MGST2: variants seen among roughly 807,000 people sequenced by gnomAD.
The protein encoded by MGST2 is microsomal glutathione S-transferase 2.
Under a neutral mutation model 16.6 loss-of-function variants are expected in MGST2, and 9 were observed. That is an observed-to-expected ratio of 0.54 (90% CI 0.33 to 0.95). The LOEUF is 0.95. Among genes scored for constraint, MGST2 ranks in the 40% least tolerant of loss-of-function variants. The pLI, the probability that MGST2 is intolerant of heterozygous loss-of-function variation, is 0.03. For synonymous variants in MGST2, 79 were observed against 68.0 expected (o/e 1.16, Z -0.79); for missense variants, 159 against 175.1 (o/e 0.91, Z 0.52).
At chr4:139,725,617 A>T in intron 5 of MGST2, 2 of 878,176 alleles carry the variant, frequency 2.3e-6, no homozygotes, top group Non-Finnish European at 3.7e-6. Flanking sequence ...TAGTACTCTT[A>T]ACCTACCAGT....
chr4:139,701,223 T>C (rs1268934084), intron 3 of MGST2, among the ~76,000 whole-genome samples: 1 of 152,132 alleles, frequency 6.6e-6, no homozygotes, highest in Non-Finnish European at 1.5e-5. Context: ...TTGTCAGAAA[T>C]TTCTTTTCAT....
At chr4:139,751,669 G>A in the MGST2 span, among the ~76,000 whole-genome samples, 4 of 152,292 alleles carry the variant, frequency 2.6e-5, no homozygotes, top group African/African-American at 9.6e-5. Context: ...TAGGTTCTAA[G>A]GGGTGGTACA....
chr4:139,716,254 G>A (rs923326062), intron 5 of MGST2, among the ~76,000 whole-genome samples: 1 of 152,234 alleles, frequency 6.6e-6, no homozygotes, highest in Non-Finnish European at 1.5e-5. Context: ...GGGTGCAGGT[G>A]AAGCCAGGCC....
At chr4:139,717,160 A>G (rs1369949780) in intron 5 of MGST2, 1 of 152,562 alleles carries the variant, frequency 6.6e-6, no homozygotes, top group East Asian at 1.9e-4. Flanking sequence ...ACCGTAGTAA[A>G]AACAAAACCA....
chr4:139,691,681 TGATGATGATGATG>T (rs1726595409), intron 2 of MGST2, among the ~76,000 whole-genome samples: 1 of 138,414 alleles, frequency 7.2e-6, no homozygotes, highest in East Asian at 2.0e-4. Flanking sequence ...ATGATGATGA[TGATGATGATGATG>T]ATGATTATTA....
chr4:139,700,957 G>A (rs1727217248), intron 3 of MGST2, among the ~76,000 whole-genome samples: 1 of 152,154 alleles, frequency 6.6e-6, no homozygotes, highest in South Asian at 2.1e-4. Context: ...CTTTCTTTTA[G>A]TTTTTACTGT....
chr4:139,666,519 T>C (rs935291786), intron 1 of MGST2, among the ~76,000 whole-genome samples: 1 of 152,222 alleles, frequency 6.6e-6, no homozygotes, highest in Non-Finnish European at 1.5e-5. Context: ...TAATGTGTTT[T>C]CTTAAATAAA....
At chr4:139,669,156 G>A (rs565581551) in intron 1 of MGST2, among the ~76,000 whole-genome samples, 2 of 152,094 alleles carry the variant, frequency 1.3e-5, no homozygotes, top group African/African-American at 2.4e-5. Flanking sequence ...GCCTGAACTC[G>A]TTTTTTAGGT....
rs1560747717 is a variant in MGST2 at position 139,691,675 on chromosome 4, TGATGATGATGATG to T, written c.159-3521_159-3509del. Among the ~76,000 whole-genome samples, 179 of 142,608 alleles carry T rather than the reference TGATGATGATGATG, an allele frequency of 1.3e-3. 1 individual carries two copies. Among genetic ancestry groups the T allele is most frequent in the African/African-American group, 4.8e-3 (172 of 35,986 alleles). The allele number at this position is 142,608 out of a possible 152,430, so 93.6% of individuals were successfully genotyped here. ...CACCCCACTGGCAGTCAGATGATGA[TGATGATGATGATG>T]ATGATGATGATTATTATTATTATTA... On this transcript the variant is annotated intron_variant, in intron 2 of 4. Coordinates refer to ENST00000265498, the MANE Select transcript of MGST2 (RefSeq NM_002413.5).
chr4:139,733,266 G>A (rs1043220366), intron 5 of MGST2, among the ~76,000 whole-genome samples: 19 of 152,182 alleles, frequency 1.2e-4, no homozygotes, highest in African/African-American at 4.1e-4. Flanking sequence ...GGAGGAGAGA[G>A]TTGGAAAGAA....
At chr4:139,699,835 T>C (rs1325477482) in intron 3 of MGST2, among the ~76,000 whole-genome samples, 1 of 152,080 alleles carries the variant, frequency 6.6e-6, no homozygotes, top group Non-Finnish European at 1.5e-5. Context: ...GGCCAGAAAT[T>C]CACGACCAGC....
chr4:139,712,420 G>C (rs1727778997), intron 5 of MGST2, among the ~76,000 whole-genome samples: 1 of 152,158 alleles, frequency 6.6e-6, no homozygotes, highest in African/African-American at 2.4e-5. Context: ...TCTCGCTCCA[G>C]TTTCCCATTT....
chr4:139,697,559 AT>A (rs1726996601), intron 3 of MGST2, among the ~76,000 whole-genome samples: 1 of 152,222 alleles, frequency 6.6e-6, no homozygotes, highest in African/African-American at 2.4e-5. Flanking sequence ...TAAAGTTGTC[AT>A]ACAAGGATTT....
chr4:139,728,419 G>A (rs1263702276), intron 5 of MGST2, among the ~76,000 whole-genome samples: 2 of 152,194 alleles, frequency 1.3e-5, no homozygotes, highest in Admixed American at 1.3e-4. Context: ...AGCACATACA[G>A]CTTCCAAAAC....
At chr4:139,668,989 C>T (rs1351077457) in intron 1 of MGST2, among the ~76,000 whole-genome samples, 1 of 152,102 alleles carries the variant, frequency 6.6e-6, no homozygotes, top group Non-Finnish European at 1.5e-5. Context: ...GAATGTTTCA[C>T]TTTGACAAAG....
At chr4:139,685,649 T>C (rs552043519) in intron 2 of MGST2, among the ~76,000 whole-genome samples, 53 of 152,272 alleles carry the variant, frequency 3.5e-4, no homozygotes, top group African/African-American at 1.2e-3. Context: ...TATAAAATAC[T>C]TAAAGAGATT....
At chr4:139,682,694 G>A (rs903512585) in intron 2 of MGST2, among the ~76,000 whole-genome samples, 2 of 152,150 alleles carry the variant, frequency 1.3e-5, no homozygotes, top group African/African-American at 4.8e-5. Context: ...AGAGGCATTG[G>A]TAGAAGCAGA....
intron 2 of MGST2, among the ~76,000 whole-genome samples, chr4:139,691,568 A>T (rs1011287005): frequency 6.6e-6 from 1 of 152,106 alleles, no homozygotes; most frequent in African/African-American, 2.4e-5. Flanking sequence ...GTAGAATGGG[A>T]TTCCAGGTAT....
At chr4:139,682,783 G>C (rs1365582949) in intron 2 of MGST2, among the ~76,000 whole-genome samples, 1 of 152,028 alleles carries the variant, frequency 6.6e-6, no homozygotes, top group Non-Finnish European at 1.5e-5. Context: ...GCTAAAACTG[G>C]GTTCTTGTCA....
Sources: gnomAD v4.1 joint callset for allele counts (sites outside exome capture counted in the v4.1 genomes callset) on GRCh38, gnomAD v4.1.1 for gene constraint, MANE v1.5 for transcripts, NCBI Gene and HGNC (gene_info 2026-07-23, HGNC 2026-07-21) for gene names.